Variants in ASIC2 observed in about 807,000 individuals in gnomAD.
ASIC2 encodes acid sensing ion channel subunit 2.
ASIC2 carries 25 observed loss-of-function variants against 57.3 expected under a neutral mutation model. The observed-to-expected ratio is 0.44, with a 90% CI of 0.32 to 0.61. The LOEUF is 0.61. ASIC2 is among the 20% of genes least tolerant of loss of function. The probability of loss-of-function intolerance (pLI) is 0.06; values close to 1 mark genes in which losing one functional copy is unlikely to be tolerated. For synonymous variants in ASIC2, 319 were observed against 307.5 expected (o/e 1.04, Z -0.39); for missense variants, 641 against 738.1 (o/e 0.87, Z 1.52).
intron 1 of ASIC2, among the ~76,000 whole-genome samples, chr17:33,700,276 GAA>G (rs1001621199): frequency 1.6e-4 from 24 of 148,444 alleles, no homozygotes; most frequent in Non-Finnish European, 3.4e-4. Flanking sequence ...CTGGGGAGGT[GAA>G]AAAAAAAAGT....
chr17:33,520,609 C>T (rs994007461), intron 1 of ASIC2, among the ~76,000 whole-genome samples: 1 of 152,200 alleles, frequency 6.6e-6, no homozygotes, highest in African/African-American at 2.4e-5. Flanking sequence ...TGGAGAGAGA[C>T]CACGAGAGGG....
At chr17:33,356,967 C>G (rs1206272793) in intron 1 of ASIC2, among the ~76,000 whole-genome samples, 8 of 974 alleles carry the variant, frequency 8.2e-3, no homozygotes, top group Admixed American at 0.073. Flanking sequence ...CAACAGGGAA[C>G]AGCTTAGGGA....
intron 1 of ASIC2, among the ~76,000 whole-genome samples, chr17:33,741,696 T>C (rs1029745618): frequency 1.3e-5 from 2 of 152,208 alleles, no homozygotes; most frequent in African/African-American, 4.8e-5. Flanking sequence ...ATGCTGACAG[T>C]GACAGACAAT....
intron 1 of ASIC2, among the ~76,000 whole-genome samples, chr17:33,573,561 TTTTTG>T (rs1462508367): frequency 6.6e-6 from 1 of 151,994 alleles, no homozygotes; most frequent in Non-Finnish European, 1.5e-5. Flanking sequence ...AAATCTTGTT[TTTTTG>T]TTTTGTTTTG....
At chr17:33,890,942 A>G (rs535865311) in intron 1 of ASIC2, among the ~76,000 whole-genome samples, 2 of 150,228 alleles carry the variant, frequency 1.3e-5, no homozygotes, top group South Asian at 2.1e-4. Flanking sequence ...ATCCACCCCA[A>G]GCAGACTGTG....
At chr17:33,408,402 C>A (rs1270222900) in intron 1 of ASIC2, among the ~76,000 whole-genome samples, 1 of 152,084 alleles carries the variant, frequency 6.6e-6, no homozygotes, top group Non-Finnish European at 1.5e-5. Context: ...TACTTCAGTA[C>A]AATGTAGTGA....
intron 3 of ASIC2, among the ~76,000 whole-genome samples, chr17:33,031,841 G>T (rs556555762): frequency 6.6e-6 from 1 of 152,282 alleles, no homozygotes; most frequent in Non-Finnish European, 1.5e-5. Context: ...TGTCATCATT[G>T]TGAATAATCA....
intron 1 of ASIC2, among the ~76,000 whole-genome samples, chr17:33,158,452 C>T (rs1362908485): frequency 6.6e-6 from 1 of 152,174 alleles, no homozygotes; most frequent in Non-Finnish European, 1.5e-5. Flanking sequence ...AGGGATGGCT[C>T]AGGAGGTCCC....
At chr17:33,383,811 C>T (rs980225779) in intron 1 of ASIC2, among the ~76,000 whole-genome samples, 2 of 152,134 alleles carry the variant, frequency 1.3e-5, no homozygotes, top group African/African-American at 2.4e-5. Flanking sequence ...CCAAAATGAT[C>T]GCAATAAGCT....
chr17:33,166,944 A>C (rs186581702), intron 1 of ASIC2, among the ~76,000 whole-genome samples: 74 of 152,380 alleles, frequency 4.9e-4, no homozygotes, highest in Non-Finnish European at 2.8e-4. Flanking sequence ...ATTTGGTAAC[A>C]GACTGGAATC....
intron 1 of ASIC2, among the ~76,000 whole-genome samples, chr17:33,797,371 A>G (rs908464914): frequency 6.6e-6 from 1 of 152,188 alleles, no homozygotes; most frequent in African/African-American, 2.4e-5. Context: ...ACAGGGAAGA[A>G]TGAAATCCCT....
intron 2 of ASIC2, among the ~76,000 whole-genome samples, chr17:33,092,592 T>A (rs1432595359): frequency 6.6e-6 from 1 of 152,176 alleles, no homozygotes; most frequent in Non-Finnish European, 1.5e-5. Context: ...AGGTCTGAGG[T>A]CATCTACATT....
intron 1 of ASIC2, among the ~76,000 whole-genome samples, chr17:33,769,218 G>A (rs1911023633): frequency 6.6e-6 from 1 of 152,208 alleles, no homozygotes; most frequent in Non-Finnish European, 1.5e-5. Flanking sequence ...GTGGACAGTG[G>A]AACTGAAAGA....
At chr17:33,017,496 G>A (rs765760252) in intron 8 of ASIC2, 109 bp downstream of exon 8, 57 of 860,368 alleles carry the variant, frequency 6.6e-5, no homozygotes, top group African/African-American at 1.0e-4. Context: ...GGGGAAGCAG[G>A]CTCTGCATGG....
intron 1 of ASIC2, among the ~76,000 whole-genome samples, chr17:33,625,085 A>G (rs555072968): frequency 1.1e-4 from 17 of 152,278 alleles, no homozygotes; most frequent in African/African-American, 4.1e-4. Context: ...AAAAGGTGGT[A>G]TGCCATTCTG....
intron 1 of ASIC2, among the ~76,000 whole-genome samples, chr17:33,951,344 A>G (rs904612716): frequency 6.6e-6 from 1 of 152,170 alleles, no homozygotes; most frequent in Admixed American, 6.5e-5. Context: ...CATAAAGCAC[A>G]TAAAAGGTAG....
chr17:33,134,374 T>A (rs1224896511), intron 1 of ASIC2, among the ~76,000 whole-genome samples: 1 of 152,154 alleles, frequency 6.6e-6, no homozygotes, highest in African/African-American at 2.4e-5. Context: ...GATGGCAACA[T>A]TGATTGCCCC....
Position 33,462,368 on chromosome 17 carries a change from T to C in ASIC2, c.556-350301A>G, listed in dbSNP as rs569797376. On this transcript the variant is annotated intron_variant, in intron 1 of 9. Transcript: ENST00000359872. ...GGATATGAGTGGAAGAGATGTTTGA[T>C]TATATTTTTCACAAAGGTATTTTGT... is the stretch of plus-strand genomic sequence containing the variant. Among the ~76,000 whole-genome samples, 24 of 152,342 alleles carry C rather than the reference T, an allele frequency of 1.6e-4. No homozygotes were observed. In the South Asian group the frequency reaches 5.0e-3, roughly 32 times the overall value.
chr17:33,441,892 T>A (rs9904646), intron 1 of ASIC2, among the ~76,000 whole-genome samples: 33,362 of 152,128 alleles, frequency 0.22, 3,945 homozygotes, highest in Middle Eastern at 0.34. Flanking sequence ...ATTAAATAAA[T>A]TTGTTATGCT....
Sources: gnomAD v4.1 joint callset for allele counts (sites outside exome capture counted in the v4.1 genomes callset) on GRCh38, gnomAD v4.1.1 for gene constraint, MANE v1.5 for transcripts, NCBI Gene and HGNC (gene_info 2026-07-23, HGNC 2026-07-21) for gene names.